Variants in GOLGA6D observed in about 807,000 individuals in gnomAD.
The protein encoded by GOLGA6D is golgin subfamily A member 6D.
A neutral mutation model predicts 42.1 loss-of-function variants in GOLGA6D; 9 were observed. The ratio of observed to expected loss-of-function variants is 0.21; its 90% CI spans 0.13 to 0.37. The LOEUF (loss-of-function observed/expected upper bound fraction) is 0.37. Ranked by LOEUF, GOLGA6D falls within the 10% of genes least tolerant of loss-of-function variation. GOLGA6D has a pLI of 1.00. For missense variants in GOLGA6D, 87 were observed against 420.8 expected (o/e 0.21, Z 6.94); for synonymous variants, 39 against 167.3 (o/e 0.23, Z 5.92).
upstream of GOLGA6D, among the ~76,000 whole-genome samples, chr15:75,277,883 G>A (rs2070831606): frequency 6.7e-6 from 1 of 149,712 alleles, no homozygotes; most frequent in African/African-American, 2.5e-5. Flanking sequence ...TCGAGACAGT[G>A]TGTATTACTG....
rs1224058585 is a variant in GOLGA6D, at chr15:75,294,383, C to T, written c.1990C>T (p.Pro664Ser). The change falls in exon 18 of 18, where the codon CCT becomes TCT. Residue 664 changes from proline to serine, a missense_variant. Transcript: ENST00000434739. ...YEVSLDNNVE[P>S]APGVAREGSP... ...AGTGAGCCTGGACAACAACGTGGAG[C>T]CTGCACCAGGAGTGGCCAGGGAGGG... The T allele has an allele frequency of 3.8e-6, 6 of 1,598,404 alleles. No homozygotes were observed. Among genetic ancestry groups the T allele is most frequent in the East Asian group, 2.2e-5 (1 of 44,604 alleles).
chr15:75,276,479 C>G, the GOLGA6D span, among the ~76,000 whole-genome samples: 3,615 of 141,242 alleles, frequency 0.026, 34 homozygotes, highest in African/African-American at 0.078. Context: ...AGCTGTGTTT[C>G]AACTCTGTCT....
At chr15:75,288,566 A>AGC (rs1398564008) in intron 7 of GOLGA6D, among the ~76,000 whole-genome samples, 1 of 139,870 alleles carries the variant, frequency 7.1e-6, no homozygotes, top group Non-Finnish European at 1.5e-5. Flanking sequence ...GTGGGGAGTG[A>AGC]GCACTGGATG....
At chr15:75,277,736 G>A in the GOLGA6D span, among the ~76,000 whole-genome samples, 431 of 146,102 alleles carry the variant, frequency 2.9e-3, 1 homozygote, top group East Asian at 0.029. Flanking sequence ...GTGGGAGGTC[G>A]AGGCTGCAGT....
At chr15:75,278,889 G>C (rs1183384234), upstream of GOLGA6D, among the ~76,000 whole-genome samples, 1 of 150,958 alleles carries the variant, frequency 6.6e-6, no homozygotes, top group Non-Finnish European at 1.5e-5. Flanking sequence ...CACAAAAGCT[G>C]CTTGTAAAAA....
At position 75,294,521 on chromosome 15, in the gene GOLGA6D, C is replaced by A. The variant is rs777261004; in HGVS notation, c.*46C>A. 4.7e-6 allele frequency: 7 copies of A among 1,495,800 alleles called. No homozygotes were observed. Among genetic ancestry groups the A allele is most frequent in the Non-Finnish European group, 6.3e-6 (7 of 1,114,730 alleles). 92.7% of individuals were successfully genotyped at this position (1,495,800 alleles called of 1,614,324 possible). A position where few individuals can be genotyped will look rare whatever the true frequency, so the allele number is the denominator to read the frequency against. Reference sequence around the variant, plus strand: ...CAAACCCTGCGTGCCATTCTTCTACCAGGCAGCCGAGAACAGGGAGATAAA... The same window carrying A: ...CAAACCCTGCGTGCCATTCTTCTACAAGGCAGCCGAGAACAGGGAGATAAA... On this transcript the variant is annotated 3_prime_UTR_variant, in exon 18 of 18. Coordinates refer to ENST00000434739, the MANE Select transcript of GOLGA6D (RefSeq NM_001145224.3).
chr15:75,278,684 G>GATT (rs1248710428), upstream of GOLGA6D, among the ~76,000 whole-genome samples: 391 of 151,274 alleles, frequency 2.6e-3, no homozygotes, highest in South Asian at 5.0e-3. Context: ...AACAAAGGCA[G>GATT]CAGGATCTTT....
At chr15:75,278,808 T>C (rs2070837135), upstream of GOLGA6D, among the ~76,000 whole-genome samples, 1 of 151,774 alleles carries the variant, frequency 6.6e-6, no homozygotes, top group African/African-American at 2.4e-5. Context: ...GTTGTACTTG[T>C]CCACTCAGAC....
Position 75,293,725 on chromosome 15 carries a change from C to G in GOLGA6D, c.1594-4C>G, listed in dbSNP as rs1306775152. 1 of 1,544,328 alleles carries G rather than the reference C, an allele frequency of 6.5e-7. No individual in the cohort carries two copies. Among genetic ancestry groups the G allele is most frequent in the Non-Finnish European group, 8.8e-7 (1 of 1,131,014 alleles). The stretch of plus-strand genomic sequence containing the variant: ...GAGGTGTGACCCCATTATTTTGGCT[C>G]CAGAGCAGCTTTATGGACCTCCCGA... On this transcript the variant is annotated splice_polypyrimidine_tract_variant and splice_region_variant and intron_variant, in intron 14 of 17. Coordinates refer to ENST00000434739, the MANE Select transcript of GOLGA6D (RefSeq NM_001145224.3).
In GOLGA6D at chr15:75,289,398, C is replaced by T. The variant is rs2070870902; in HGVS notation, c.566C>T (p.Ser189Phe). The T allele has an allele frequency of 6.5e-7, 1 of 1,549,710 alleles. No individual in the cohort carries two copies. Among genetic ancestry groups the T allele is most frequent in the South Asian group, 1.1e-5 (1 of 88,604 alleles). ...AACTTCTCACTCTTCACCATCCAGTCCTCGAGCTGCAGAGAAGCGGTCCTC... is the reference window on the plus strand; with the variant it reads ...AACTTCTCACTCTTCACCATCCAGTTCTCGAGCTGCAGAGAAGCGGTCCTC... ...VSTQQQEEDR[S>F]SSCREAVLQR... Residue 189 changes from serine to phenylalanine, a missense_variant and splice_region_variant, in exon 8 of 18, where the codon TCC becomes TTC. Coordinates refer to ENST00000434739, the MANE Select transcript of GOLGA6D (RefSeq NM_001145224.3).
chr15:75,277,334 G>A, the GOLGA6D span, among the ~76,000 whole-genome samples: 3 of 71,480 alleles, frequency 4.2e-5, no homozygotes, highest in Admixed American at 1.6e-4. Context: ...GAACTCAAGC[G>A]ATCTGCCTGC....
In GOLGA6D at chr15:75,288,503, G is replaced by C. The variant is rs982268727; in HGVS notation, c.564+139G>C. 1.0e-4 allele frequency: 93 copies of C among 892,994 alleles called. 7 individuals are homozygous for C. The highest frequency in any genetic ancestry group is 2.9e-4 in the Middle Eastern group (1 of 3,498). 55.3% of individuals were successfully genotyped at this position (892,994 alleles called of 1,614,324 possible). ...TTTCTCACTACTTTTGTGTATGGTTGTTAGAGGCAGCCTGGGGCTAAGTCA... is the reference window on the plus strand; with the variant it reads ...TTTCTCACTACTTTTGTGTATGGTTCTTAGAGGCAGCCTGGGGCTAAGTCA... On this transcript the variant is annotated intron_variant, in intron 7 of 17. Transcript: ENST00000434739.
upstream of GOLGA6D, among the ~76,000 whole-genome samples, chr15:75,278,825 T>C (rs1412057491): frequency 6.6e-6 from 1 of 151,694 alleles, no homozygotes; most frequent in African/African-American, 2.4e-5. Context: ...AGACACATGC[T>C]CATACTTATT....
chr15:75,293,478 G>A lies in GOLGA6D; in HGVS notation c.1594-251G>A, dbSNP rs545932904. Among the ~76,000 whole-genome samples, 18 of 145,426 alleles carry A rather than the reference G, an allele frequency of 1.2e-4. 1 individual carries two copies. The highest frequency in any genetic ancestry group is 4.4e-4 in the South Asian group (2 of 4,596). On this transcript the variant is annotated intron_variant, in intron 14 of 17. Transcript: ENST00000434739. ...AGGAGGAGCAGGCACGGCTATGTGG[G>A]CAGCGGAAGGTGTGAAGGCTGTGCT... is the stretch of plus-strand genomic sequence containing the variant.
At chr15:75,278,799 T>C (rs2070837041), upstream of GOLGA6D, among the ~76,000 whole-genome samples, 1 of 151,840 alleles carries the variant, frequency 6.6e-6, no homozygotes, top group Non-Finnish European at 1.5e-5. Context: ...GCATAGATGG[T>C]TGTACTTGTC....
intron 14 of GOLGA6D, 151 bp from the exon 15 acceptor site, chr15:75,293,578 G>A: frequency 4.6e-6 from 3 of 647,154 alleles, no homozygotes; most frequent in East Asian, 2.8e-5. Flanking sequence ...AGGGAGGACT[G>A]GAGATGAGTT....
chr15:75,278,955 C>T (rs577447860), upstream of GOLGA6D, among the ~76,000 whole-genome samples: 15 of 149,488 alleles, frequency 1.0e-4, no homozygotes, highest in South Asian at 3.2e-3. Flanking sequence ...GATGACAAAG[C>T]TGGTTCTGAT....
At chr15:75,277,799 C>CT in the GOLGA6D span, among the ~76,000 whole-genome samples, 1 of 147,044 alleles carries the variant, frequency 6.8e-6, no homozygotes, top group African/African-American at 2.6e-5. Flanking sequence ...GACACCCTGT[C>CT]TTAAAAAAAA....
rs1405394166 is a variant in GOLGA6D, at chr15:75,294,961, CT to C, written c.*487del. The C allele has an allele frequency of 9.8e-6, 1 of 102,448 alleles. No individual in the cohort carries two copies. The highest frequency in any genetic ancestry group is 1.9e-5 in the Non-Finnish European group (1 of 52,502). 6.3% of individuals were successfully genotyped at this position (102,448 alleles called of 1,614,324 possible). A position where few individuals can be genotyped will look rare whatever the true frequency, so the allele number is the denominator to read the frequency against. ...TCAGATAAAATGTGCTTATGTTCTGCTATTACGTTTGATCGAATCCTAACCA... is the reference window on the plus strand; with the variant it reads ...TCAGATAAAATGTGCTTATGTTCTGCATTACGTTTGATCGAATCCTAACCA... On this transcript the variant is annotated 3_prime_UTR_variant, in exon 18 of 18. Transcript: ENST00000434739.
Sources: gnomAD v4.1 joint callset for allele counts (sites outside exome capture counted in the v4.1 genomes callset) on GRCh38, gnomAD v4.1.1 for gene constraint, MANE v1.5 for transcripts, NCBI Gene and HGNC (gene_info 2026-07-23, HGNC 2026-07-21) for gene names.